Variants in PFDN1 observed in about 807,000 individuals in gnomAD.
PFDN1 encodes prefoldin subunit 1.
Under a neutral mutation model 17.3 loss-of-function variants are expected in PFDN1, and 6 were observed. The observed-to-expected ratio is 0.35, with a 90% CI of 0.19 to 0.69. The LOEUF (loss-of-function observed/expected upper bound fraction) is 0.69. Ranked by LOEUF, PFDN1 falls within the 30% of genes least tolerant of loss-of-function variation. PFDN1 has a pLI of 0.65. For missense variants in PFDN1, 113 were observed against 146.2 expected (o/e 0.77, Z 1.17); for synonymous variants, 58 against 50.1 (o/e 1.16, Z -0.67).
intron 2 of PFDN1, among the ~76,000 whole-genome samples, chr5:140,287,926 G>A (rs1430005521): frequency 6.6e-6 from 1 of 152,194 alleles, no homozygotes; most frequent in Admixed American, 6.5e-5. Flanking sequence ...CCCAAACACT[G>A]AGAACACCAT....
At position 140,245,364 on chromosome 5, in the gene PFDN1, T is replaced by C; in HGVS notation, c.*610A>G. The stretch of plus-strand genomic sequence containing the variant: ...ATGGGAGAAGGCAGGGAAAGGAATC[T>C]TTAGGCAGACTGCCATCCAGGGACT... On this transcript the variant is annotated 3_prime_UTR_variant, in exon 4 of 4. Transcript: ENST00000261813. The C allele has an allele frequency of 1.5e-6, 1 of 675,378 alleles. No homozygotes were observed. Among genetic ancestry groups the C allele is most frequent in the South Asian group, 1.6e-5 (1 of 63,194 alleles). 41.8% of individuals were successfully genotyped at this position (675,378 alleles called of 1,614,324 possible). A position where few individuals can be genotyped will look rare whatever the true frequency, so the allele number is the denominator to read the frequency against.
chr5:140,295,283 T>G (rs1765636055), intron 2 of PFDN1, among the ~76,000 whole-genome samples: 3 of 152,216 alleles, frequency 2.0e-5, no homozygotes, highest in Admixed American at 2.0e-4. Context: ...AATTCTTATT[T>G]TAAAAATACT....
At chr5:140,262,454 A>AGCC in intron 3 of PFDN1, 1 of 449,138 alleles carries the variant, frequency 2.2e-6, no homozygotes, top group Non-Finnish European at 4.5e-6. Flanking sequence ...CATGGGCAGA[A>AGCC]GCCACCAAGT....
chr5:140,267,646 A>G (rs890003853), intron 3 of PFDN1, among the ~76,000 whole-genome samples: 6 of 149,206 alleles, frequency 4.0e-5, no homozygotes, highest in African/African-American at 1.5e-4. Context: ...TGGCCTTAGA[A>G]CCACCTCCCG....
intron 3 of PFDN1, among the ~76,000 whole-genome samples, chr5:140,276,274 G>A (rs1765291701): frequency 6.6e-6 from 1 of 152,080 alleles, no homozygotes; most frequent in Admixed American, 6.5e-5. Flanking sequence ...CCTACAATGT[G>A]CTAAGAAACT....
rs139436710 is a variant in PFDN1, at chr5:140,259,321, C to G, written c.286-13264G>C. Among the ~76,000 whole-genome samples the G allele has an allele frequency of 5.3e-4, 80 of 152,294 alleles. 1 individual carries two copies. The highest frequency in any genetic ancestry group is 1.9e-3 in the African/African-American group (77 of 41,552). On this transcript the variant is annotated intron_variant, in intron 3 of 3. Coordinates refer to ENST00000261813, the MANE Select transcript of PFDN1 (RefSeq NM_002622.5). Reference sequence around the variant, plus strand: ...TGTAATGCAGTGTCAGGACAAATAACGTTAACTCCTATCTTCAATGAGACA... The same window carrying G: ...TGTAATGCAGTGTCAGGACAAATAAGGTTAACTCCTATCTTCAATGAGACA...
chr5:140,251,547 T>C (rs1004315786), intron 3 of PFDN1, among the ~76,000 whole-genome samples: 2 of 152,226 alleles, frequency 1.3e-5, no homozygotes, highest in Non-Finnish European at 2.9e-5. Context: ...CCACACTTAC[T>C]ACCAGCAGTC....
chr5:140,293,694 T>C (rs888833415), intron 2 of PFDN1, among the ~76,000 whole-genome samples: 2 of 152,060 alleles, frequency 1.3e-5, no homozygotes, highest in African/African-American at 4.8e-5. Context: ...AAAACAGTGA[T>C]GTCATTCTAG....
rs1381079207 is a variant in PFDN1, at chr5:140,245,780, G to A, written c.*194C>T. The A allele has an allele frequency of 2.0e-5, 12 of 612,632 alleles. No individual in the cohort carries two copies. The highest frequency in any genetic ancestry group is 3.2e-5 in the Non-Finnish European group (11 of 343,504). The allele number at this position is 612,632 out of a possible 1,614,324, so 37.9% of individuals were successfully genotyped here. ...AGGGAAGAGTGTCCTGGGCAGAGGT[G>A]GCAGGCAAAGCCGGGTAAAAACTCC... On this transcript the variant is annotated 3_prime_UTR_variant, in exon 4 of 4. Transcript: ENST00000261813.
intron 3 of PFDN1, among the ~76,000 whole-genome samples, chr5:140,249,503 G>A (rs1341495197): frequency 6.6e-6 from 1 of 152,198 alleles, no homozygotes; most frequent in Non-Finnish European, 1.5e-5. Context: ...TGGCAGGATT[G>A]GTCCTGTGAG....
At position 140,245,392 on chromosome 5, in the gene PFDN1, T is replaced by A. The variant is rs972753507; in HGVS notation, c.*582A>T. On this transcript the variant is annotated 3_prime_UTR_variant, in exon 4 of 4. Transcript: ENST00000261813. ...AGGCAGACTGCCATCCAGGGACTGC[T>A]ATTCTGTTCACTGAGATTCAGCTGT... The A allele has an allele frequency of 7.1e-6, 5 of 699,734 alleles. No homozygotes were observed. Among genetic ancestry groups the A allele is most frequent in the Non-Finnish European group, 1.3e-5 (5 of 383,528 alleles). 43.3% of individuals were successfully genotyped at this position (699,734 alleles called of 1,614,324 possible). A position where few individuals can be genotyped will look rare whatever the true frequency, so the allele number is the denominator to read the frequency against.
At chr5:140,257,553 A>G (rs542255734) in intron 3 of PFDN1, among the ~76,000 whole-genome samples, 1 of 152,294 alleles carries the variant, frequency 6.6e-6, no homozygotes, top group East Asian at 1.9e-4. Context: ...TTATTCAACT[A>G]AAGAAGGTCT....
intron 1 of PFDN1, 55 bp downstream of exon 1, chr5:140,302,986 T>C: frequency 2.4e-5 from 29 of 1,212,636 alleles, no homozygotes; most frequent in Non-Finnish European, 3.4e-5. Context: ...TTCTTGTCTA[T>C]AGTCCCCTCA....
chr5:140,275,694 G>A (rs958266159), intron 3 of PFDN1, among the ~76,000 whole-genome samples: 7 of 152,104 alleles, frequency 4.6e-5, no homozygotes, highest in Admixed American at 3.9e-4. Flanking sequence ...TGGGTAAAAG[G>A]GAACCTAGCA....
chr5:140,282,505 A>T (rs1765425827), intron 2 of PFDN1, among the ~76,000 whole-genome samples: 1 of 151,930 alleles, frequency 6.6e-6, no homozygotes, highest in Non-Finnish European at 1.5e-5. Flanking sequence ...TGAGTTCCTC[A>T]AACAAAAAGC....
In PFDN1 at chr5:140,300,563, G is replaced by T. The variant is rs1561522190; in HGVS notation, c.53C>A (p.Ala18Asp). Residue 18 changes from alanine to aspartate, a missense_variant, in exon 2 of 4, where the codon GCC becomes GAC. Physicochemically the swap from Ala to Asp is moderately radical, Grantham distance 126. Coordinates refer to ENST00000261813, the MANE Select transcript of PFDN1 (RefSeq NM_002622.5). Reference sequence around the variant, plus strand: ...CTTCTGTTGAGTGTCAATAACTTTGGCTTGAAGCTCTGTGAAGGCCTAATA... The same window carrying T: ...CTTCTGTTGAGTGTCAATAACTTTGTCTTGAAGCTCTGTGAAGGCCTAATA... ...ELKKAFTELQ[A>D]KVIDTQQKVK... is the part of the protein sequence containing the mutation. 1 of 1,609,402 alleles carries T rather than the reference G, an allele frequency of 6.2e-7. No homozygotes were observed. The highest frequency in any genetic ancestry group is 8.5e-7 in the Non-Finnish European group (1 of 1,177,858).
intron 2 of PFDN1, among the ~76,000 whole-genome samples, chr5:140,299,505 C>G (rs1765707808): frequency 6.6e-6 from 1 of 150,414 alleles, no homozygotes; most frequent in Admixed American, 6.6e-5. Flanking sequence ...GAGGCTGAGG[C>G]AGAATTGTTT....
intron 3 of PFDN1, among the ~76,000 whole-genome samples, chr5:140,250,416 C>CA (rs1470524277): frequency 6.6e-6 from 1 of 152,226 alleles, no homozygotes; most frequent in East Asian, 1.9e-4. Context: ...TCACTTCCTT[C>CA]AGGGCTTTCT....
chr5:140,292,595 T>C (rs1171806959), intron 2 of PFDN1, among the ~76,000 whole-genome samples: 2 of 152,166 alleles, frequency 1.3e-5, no homozygotes. Context: ...TTCCAAGTAA[T>C]GTAGTTCATT....
Sources: allele counts gnomAD v4.1 joint callset (sites outside exome capture counted in the v4.1 genomes callset), GRCh38; gene constraint gnomAD v4.1.1; transcripts MANE v1.5; gene names NCBI Gene and HGNC (gene_info 2026-07-23, HGNC 2026-07-21).